EDARADD: variants seen among roughly 807,000 people sequenced by gnomAD.
EDARADD encodes the protein ectodysplasin-A receptor-associated adapter protein.
In EDARADD, 20 loss-of-function variants were observed where a neutral mutation model predicts 25.6. The ratio of observed to expected loss-of-function variants is 0.78; its 90% CI spans 0.55 to 1.14. The LOEUF is 1.14. Ranked by LOEUF, EDARADD falls within the 50% of genes most tolerant of loss-of-function variation. The pLI, the probability that EDARADD is intolerant of heterozygous loss-of-function variation, is 0.00. For missense variants in EDARADD, 225 were observed against 270.1 expected (o/e 0.83, Z 1.17); for synonymous variants, 86 against 94.4 (o/e 0.91, Z 0.52).
chr1:236,418,346 G>C (rs1184605624), intron 3 of EDARADD, among the ~76,000 whole-genome samples: 1 of 151,606 alleles, frequency 6.6e-6, no homozygotes, highest in Admixed American at 6.6e-5. Context: ...CCAGGCTCAA[G>C]CAATTCTCTC....
intron 3 of EDARADD, among the ~76,000 whole-genome samples, chr1:236,351,085 G>A (rs946511033): frequency 2.2e-4 from 33 of 152,066 alleles, no homozygotes; most frequent in African/African-American, 7.7e-4. Context: ...GCTGTGGTGA[G>A]CCATGATTAC....
intron 3 of EDARADD, among the ~76,000 whole-genome samples, chr1:236,382,155 T>C (rs895900128): frequency 6.6e-6 from 1 of 152,144 alleles, no homozygotes; most frequent in African/African-American, 2.4e-5. Flanking sequence ...TCCAATTACA[T>C]GTATATTAAG....
chr1:236,438,977 T>TA (rs1658334925), intron 4 of EDARADD, among the ~76,000 whole-genome samples: 1 of 152,248 alleles, frequency 6.6e-6, no homozygotes, highest in Non-Finnish European at 1.5e-5. Context: ...TTCGCTGCCC[T>TA]AAAAATCCTC....
In EDARADD at chr1:236,484,185, C is replaced by A; in HGVS notation, c.*1536C>A. 8.7e-7 allele frequency: 1 copy of A among 1,150,988 alleles called. No individual in the cohort carries two copies. Among genetic ancestry groups the A allele is most frequent in the Non-Finnish European group, 1.3e-6 (1 of 758,294 alleles). 71.3% of individuals were successfully genotyped at this position (1,150,988 alleles called of 1,614,324 possible). A position where few individuals can be genotyped will look rare whatever the true frequency, so the allele number is the denominator to read the frequency against. On this transcript the variant is annotated 3_prime_UTR_variant, in exon 6 of 6. Coordinates refer to ENST00000334232, the MANE Select transcript of EDARADD (RefSeq NM_145861.4). The surrounding 1 kb of genome is among the most constrained non-coding windows in gnomAD (Gnocchi z 4.1). ...GAATGAGAAGAAGTGCAACTGCCTC[C>A]TGCTCAAAGTGAACCAGATTCGCTC... is the stretch of plus-strand genomic sequence containing the variant.
intron 5 of EDARADD, among the ~76,000 whole-genome samples, chr1:236,477,422 G>A (rs1659540452): frequency 1.3e-5 from 2 of 152,192 alleles, no homozygotes; most frequent in Non-Finnish European, 2.9e-5. Context: ...GGCTCAGGCA[G>A]GAGCAGAGAT....
At chr1:236,420,513 C>T (rs1396415667) in intron 3 of EDARADD, among the ~76,000 whole-genome samples, 1 of 152,212 alleles carries the variant, frequency 6.6e-6, no homozygotes, top group Non-Finnish European at 1.5e-5. Context: ...ATGGAAGTTG[C>T]TTCCTAGCAA....
intron 3 of EDARADD, among the ~76,000 whole-genome samples, chr1:236,351,570 C>T (rs1390410602): frequency 6.6e-5 from 10 of 151,880 alleles, no homozygotes; most frequent in Admixed American, 4.6e-4. Flanking sequence ...ATTAGCCGGG[C>T]GTGGTGGCGC....
intron 5 of EDARADD, among the ~76,000 whole-genome samples, chr1:236,477,628 TC>T (rs1275500455): frequency 6.6e-6 from 1 of 151,666 alleles, no homozygotes; most frequent in Non-Finnish European, 1.5e-5. Flanking sequence ...TGGGTAAAGT[TC>T]ATTAGAGGAA....
intron 4 of EDARADD, among the ~76,000 whole-genome samples, chr1:236,456,716 TC>T (rs1159189187): frequency 1.5e-5 from 1 of 65,338 alleles, no homozygotes; most frequent in African/African-American, 5.4e-5. Flanking sequence ...TTTCTTCCCC[TC>T]CCCCCTCCCC....
intron 3 of EDARADD, among the ~76,000 whole-genome samples, chr1:236,415,277 T>C (rs1009793343): frequency 2.0e-5 from 3 of 152,074 alleles, no homozygotes; most frequent in Non-Finnish European, 4.4e-5. Flanking sequence ...GTTCTGTGGC[T>C]AGACAAAGGG....
Position 236,409,277 on chromosome 1 carries a change from A to G in EDARADD, c.120+3A>G, listed in dbSNP as rs767467962. The stretch of plus-strand genomic sequence containing the variant: ...CTAGCACTTTATCCTTTAATATGGT[A>G]GGTGACAAATTTTACACTAATGGTG... On this transcript the variant is annotated splice_donor_region_variant and intron_variant, in intron 2 of 5. Transcript: ENST00000334232. The G allele has an allele frequency of 6.0e-5, 97 of 1,609,230 alleles. No individual in the cohort carries two copies. The highest frequency in any genetic ancestry group is 8.2e-5 in the Non-Finnish European group (96 of 1,175,918).
At chr1:236,399,335 C>G (rs1667574956) in intron 1 of EDARADD, among the ~76,000 whole-genome samples, 1 of 152,122 alleles carries the variant, frequency 6.6e-6, no homozygotes, top group Non-Finnish European at 1.5e-5. Context: ...GGGTGTGCCA[C>G]CACCCCTGGC....
chr1:236,378,263 C>T (rs1667249298), intron 3 of EDARADD, among the ~76,000 whole-genome samples: 2 of 152,210 alleles, frequency 1.3e-5, no homozygotes, highest in South Asian at 4.1e-4. Context: ...GTTCTTTCCC[C>T]TCCCTCTTCT....
chr1:236,425,321 G>T (rs1657887638), intron 3 of EDARADD, among the ~76,000 whole-genome samples: 1 of 152,182 alleles, frequency 6.6e-6, no homozygotes, highest in Non-Finnish European at 1.5e-5. Context: ...GTACCTCGAT[G>T]CCCCTGGGGG....
intron 4 of EDARADD, among the ~76,000 whole-genome samples, chr1:236,466,102 A>G (rs1303764067): frequency 1.3e-5 from 2 of 152,152 alleles, no homozygotes; most frequent in Non-Finnish European, 1.5e-5. Flanking sequence ...AAGTTCTAAC[A>G]TTTGTATCTC....
chr1:236,447,401 C>A (rs1250245696), intron 4 of EDARADD, among the ~76,000 whole-genome samples: 1 of 151,918 alleles, frequency 6.6e-6, no homozygotes, highest in African/African-American at 2.4e-5. Flanking sequence ...AGATTACAGG[C>A]ACGTGCCGCC....
chr1:236,464,503 G>A (rs1331019002), intron 4 of EDARADD, among the ~76,000 whole-genome samples: 1 of 141,888 alleles, frequency 7.0e-6, no homozygotes, highest in Non-Finnish European at 1.5e-5. Flanking sequence ...TGTGATCTCG[G>A]CTCAATGCAA....
chr1:236,370,132 G>A (rs988806778), intron 3 of EDARADD, among the ~76,000 whole-genome samples: 8 of 151,890 alleles, frequency 5.3e-5, no homozygotes, highest in Non-Finnish European at 7.4e-5. Flanking sequence ...ATCAAGACGG[G>A]GGAATTGGCC....
intron 2 of EDARADD, among the ~76,000 whole-genome samples, chr1:236,411,546 TC>T (rs1286285323): frequency 2.8e-5 from 4 of 145,270 alleles, no homozygotes; most frequent in African/African-American, 1.0e-4. Flanking sequence ...CTCTTCTTCT[TC>T]TTTTTTTTTT....
Sources: allele counts gnomAD v4.1 joint callset (sites outside exome capture counted in the v4.1 genomes callset), GRCh38; gene constraint gnomAD v4.1.1; non-coding constraint Gnocchi (gnomAD v3.1); transcripts MANE v1.5; gene names NCBI Gene and HGNC (gene_info 2026-07-23, HGNC 2026-07-21).